FOXP2: variants seen among roughly 807,000 people sequenced by gnomAD.
FOXP2 encodes forkhead box P2.
FOXP2 carries 12 observed loss-of-function variants against 115.8 expected under a neutral mutation model. The observed-to-expected ratio is 0.10, with a 90% CI of 0.07 to 0.17. FOXP2 has a LOEUF of 0.17. FOXP2 is among the 10% of genes least tolerant of loss of function. FOXP2 has a pLI of 1.00. For missense variants in FOXP2, 629 were observed against 843.5 expected (o/e 0.75, Z 3.15); for synonymous variants, 328 against 297.7 (o/e 1.10, Z -1.05).
intron 1 of FOXP2, among the ~76,000 whole-genome samples, chr7:114,255,037 C>T (rs565120248): frequency 3.9e-4 from 59 of 152,252 alleles, no homozygotes; most frequent in African/African-American, 1.3e-3. Context: ...GCAGGTCTGT[C>T]GGAGTTTGCT....
chr7:114,361,726 A>C (rs1218715964), intron 2 of FOXP2, among the ~76,000 whole-genome samples: 1 of 152,038 alleles, frequency 6.6e-6, no homozygotes, highest in Admixed American at 6.6e-5. Context: ...TTAATTCAGA[A>C]TGTTTTAAAC....
At chr7:114,212,124 T>TAAAATAAAA (rs1554431719) in intron 1 of FOXP2, among the ~76,000 whole-genome samples, 1 of 143,086 alleles carries the variant, frequency 7.0e-6, no homozygotes. Context: ...TAAAATAAAA[T>TAAAATAAAA]ATATATATAT....
chr7:114,371,248 T>A (rs1791998493), intron 2 of FOXP2, among the ~76,000 whole-genome samples: 1 of 38,184 alleles, frequency 2.6e-5, no homozygotes. Context: ...GTCCAGCTAA[T>A]TTTTTTTTTT....
intron 1 of FOXP2, among the ~76,000 whole-genome samples, chr7:114,124,811 T>A (rs1344542524): frequency 6.6e-6 from 1 of 152,040 alleles, no homozygotes; most frequent in Admixed American, 6.6e-5. Context: ...TCCCTCCTCC[T>A]TTATCTACAT....
At chr7:114,676,694 C>A (rs551179678) in intron 16 of FOXP2, among the ~76,000 whole-genome samples, 2 of 152,150 alleles carry the variant, frequency 1.3e-5, no homozygotes, top group South Asian at 4.1e-4. Context: ...TTGGTTATTA[C>A]TTTTAAAAGG....
At position 114,468,524 on chromosome 7, in the gene FOXP2, C is replaced by T. The variant is rs79552207; in HGVS notation, c.168+41845C>T. ...CACACTCCCTGGCTCATAACTTAAT[C>T]TCTAGCAATCCTGCTTGTAGTTCCC... On this transcript the variant is annotated intron_variant, in intron 2 of 16. Coordinates refer to ENST00000350908, the MANE Select transcript of FOXP2 (RefSeq NM_014491.4). Among the ~76,000 whole-genome samples, 86 of 152,198 alleles carry T rather than the reference C, an allele frequency of 5.7e-4. 1 individual carries two copies. The East Asian group carries it at 0.015, about 27-fold the overall frequency.
chr7:114,219,435 T>G (rs1314054389), intron 1 of FOXP2, among the ~76,000 whole-genome samples: 1 of 152,146 alleles, frequency 6.6e-6, no homozygotes, highest in Non-Finnish European at 1.5e-5. Context: ...AGAGTGGTCA[T>G]GTCAAAATAT....
At chr7:114,156,425 A>G (rs1792673519) in intron 1 of FOXP2, among the ~76,000 whole-genome samples, 1 of 152,114 alleles carries the variant, frequency 6.6e-6, no homozygotes, top group African/African-American at 2.4e-5. Context: ...ACAGCCCCTT[A>G]TCTTAACCCA....
intron 2 of FOXP2, among the ~76,000 whole-genome samples, chr7:114,300,111 A>G (rs1397204972): frequency 6.6e-6 from 1 of 152,012 alleles, no homozygotes; most frequent in East Asian, 1.9e-4. Flanking sequence ...GAAATGGAAA[A>G]GAGATTTAAG....
upstream of FOXP2, among the ~76,000 whole-genome samples, chr7:114,413,696 G>T (rs1341076638): frequency 6.6e-6 from 1 of 151,992 alleles, no homozygotes; most frequent in Non-Finnish European, 1.5e-5. Context: ...TGTATTAAAG[G>T]CTATTAGAAG....
intron 3 of FOXP2, among the ~76,000 whole-genome samples, chr7:114,549,333 A>G (rs948703421): frequency 2.6e-5 from 4 of 152,210 alleles, no homozygotes; most frequent in African/African-American, 9.6e-5. Context: ...TCCGATTACA[A>G]GGTCTCTTTT....
chr7:114,498,886 G>A lies in FOXP2; in HGVS notation c.169-35731G>A, dbSNP rs1584812023. Reference sequence around the variant, plus strand: ...TTGGGCATCTTTCTTTCCTCAGGAGGATGTTGTCTCTTACACCCAGGTTAT... The same window carrying A: ...TTGGGCATCTTTCTTTCCTCAGGAGAATGTTGTCTCTTACACCCAGGTTAT... On this transcript the variant is annotated intron_variant, in intron 2 of 16. Coordinates refer to ENST00000350908, the MANE Select transcript of FOXP2 (RefSeq NM_014491.4). 8 of 717,948 alleles carry A rather than the reference G, an allele frequency of 1.1e-5. No homozygotes were observed. The East Asian group carries it at 2.1e-4, about 19-fold the overall frequency. The allele number at this position is 717,948 out of a possible 1,614,324, so 44.5% of individuals were successfully genotyped here.
At chr7:114,470,478 A>G (rs1009147561) in intron 2 of FOXP2, among the ~76,000 whole-genome samples, 1 of 152,096 alleles carries the variant, frequency 6.6e-6, no homozygotes, top group Non-Finnish European at 1.5e-5. Flanking sequence ...TTTTATTAAC[A>G]TTTGTCTTTT....
intron 1 of FOXP2, among the ~76,000 whole-genome samples, chr7:114,231,668 C>G (rs1328828463): frequency 2.0e-5 from 3 of 152,152 alleles, no homozygotes; most frequent in Non-Finnish European, 2.9e-5. Context: ...TGGATATCCA[C>G]ATGCCGAATA....
intron 6 of FOXP2, among the ~76,000 whole-genome samples, chr7:114,633,922 A>G (rs986013166): frequency 5.9e-5 from 9 of 152,158 alleles, no homozygotes; most frequent in Non-Finnish European, 1.3e-4. Context: ...ATTAGCCTTG[A>G]AAAATAGCCA....
chr7:114,208,316 C>A (rs773379704), intron 1 of FOXP2, among the ~76,000 whole-genome samples: 1 of 152,110 alleles, frequency 6.6e-6, no homozygotes, highest in Non-Finnish European at 1.5e-5. Flanking sequence ...GGGCCTGTAT[C>A]CCCTTTGTTT....
intron 11 of FOXP2, among the ~76,000 whole-genome samples, chr7:114,659,056 A>G (rs1468389117): frequency 6.6e-6 from 1 of 152,176 alleles, no homozygotes; most frequent in Non-Finnish European, 1.5e-5. Flanking sequence ...GCAAAAGTCC[A>G]TGTAAGAATA....
chr7:114,327,361 C>T (rs1310920193), intron 2 of FOXP2, among the ~76,000 whole-genome samples: 1 of 152,124 alleles, frequency 6.6e-6, no homozygotes, highest in Non-Finnish European at 1.5e-5. Flanking sequence ...GTCTATCAAA[C>T]TGAAATTTAA....
chr7:114,411,905 C>T (rs2129198827), upstream of FOXP2, among the ~76,000 whole-genome samples: 1 of 152,186 alleles, frequency 6.6e-6, no homozygotes, highest in East Asian at 1.9e-4. Context: ...TTCATGGAGC[C>T]AGTGCATGGC....
Sources: gnomAD v4.1 joint callset for allele counts (sites outside exome capture counted in the v4.1 genomes callset) on GRCh38, gnomAD v4.1.1 for gene constraint, MANE v1.5 for transcripts, NCBI Gene and HGNC (gene_info 2026-07-23, HGNC 2026-07-21) for gene names.